TFDP2: variants seen among roughly 807,000 people sequenced by gnomAD.
The protein encoded by TFDP2 is transcription factor Dp-2, also known as transcription factor Dp-2 (E2F dimerization partner 2).
TFDP2 carries 17 observed loss-of-function variants against 59.3 expected under a neutral mutation model. That is an observed-to-expected ratio of 0.29 (90% CI 0.20 to 0.43). TFDP2 has a LOEUF of 0.43. TFDP2 is among the 20% of genes least tolerant of loss of function. TFDP2 has a pLI of 1.00. For missense variants in TFDP2, 391 were observed against 528.8 expected (o/e 0.74, Z 2.56); for synonymous variants, 180 against 194.7 (o/e 0.92, Z 0.63).
rs369060490 is a variant in TFDP2, at chr3:141,952,595, G to A, written c.1259C>T (p.Ser420Phe). 6.3e-6 allele frequency: 10 copies of A among 1,578,198 alleles called. No individual in the cohort carries two copies. Among genetic ancestry groups the A allele is most frequent in the South Asian group, 2.4e-5 (2 of 84,070 alleles). Residue 420 changes from serine to phenylalanine, a missense_variant, in exon 13 of 13, where the codon TCC (serine) becomes TTC (phenylalanine). This residue lies in a region of TFDP2 where 223 missense variants were observed against 292.5 expected (regional missense o/e 0.76). Transcript: ENST00000489671. ...HQSSSAASHC[S>F]ESRGETPCSF... ...ACAGGGGGTCTCGCCTCGGGACTCG[G>A]AGCAGTGAGAGGCCGCACTGCTGGA...
At chr3:142,073,556 G>A (rs933006565) in intron 3 of TFDP2, among the ~76,000 whole-genome samples, 4 of 146,710 alleles carry the variant, frequency 2.7e-5, no homozygotes, top group African/African-American at 1.0e-4. Flanking sequence ...TTGGACAGAG[G>A]AGTGAATGAG....
At chr3:142,062,599 T>C (rs1042727730) in intron 3 of TFDP2, among the ~76,000 whole-genome samples, 5 of 151,548 alleles carry the variant, frequency 3.3e-5, no homozygotes, top group African/African-American at 1.2e-4. Context: ...CATCTGGGAG[T>C]ATCGACTAAA....
chr3:142,110,025 G>A lies in TFDP2; in HGVS notation c.-92-8184C>T, dbSNP rs184701354. Among the ~76,000 whole-genome samples the A allele has an allele frequency of 1.8e-3, 281 of 152,082 alleles. 3 individuals carry two copies. Among genetic ancestry groups the A allele is most frequent in the African/African-American group, 6.4e-3 (264 of 41,506 alleles). On this transcript the variant is annotated intron_variant, in intron 1 of 12. Coordinates refer to ENST00000489671, the MANE Select transcript of TFDP2 (RefSeq NM_001178139.2). ...ACTCAGTCGTTGGGACTACAGGTGC[G>A]GGCGCATGCCACCACACCCAGCTAA...
At chr3:142,109,667 C>T (rs2061588702) in intron 1 of TFDP2, among the ~76,000 whole-genome samples, 1 of 151,848 alleles carries the variant, frequency 6.6e-6, no homozygotes, top group African/African-American at 2.4e-5. Flanking sequence ...CTTTCATGAA[C>T]AAAAAGCATC....
At chr3:142,120,175 A>G (rs6775838) in intron 1 of TFDP2, among the ~76,000 whole-genome samples, 35,220 of 149,160 alleles carry the variant, frequency 0.24, 5,147 homozygotes, top group African/African-American at 0.41. Flanking sequence ...ATCCTGGCCA[A>G]CAGGGTGAAA....
rs1488429992 is a variant in TFDP2 at position 142,069,412 on chromosome 3, A to T, written c.82+23649T>A. Among the ~76,000 whole-genome samples the T allele has an allele frequency of 2.6e-5, 4 of 152,172 alleles. No homozygotes were observed. The South Asian group carries it at 6.2e-4, about 24-fold the overall frequency. ...CTGTAAAGATTAACTTTTATTTCCT[A>T]AATTTGTGAGCTTAGCAATAAAATA... On this transcript the variant is annotated intron_variant, in intron 3 of 12. Coordinates refer to ENST00000489671, the MANE Select transcript of TFDP2 (RefSeq NM_001178139.2).
intron 1 of TFDP2, among the ~76,000 whole-genome samples, chr3:142,107,165 G>A (rs753373761): frequency 1.3e-5 from 2 of 151,832 alleles, no homozygotes; most frequent in Admixed American, 6.6e-5. Flanking sequence ...AATCCTTTCA[G>A]TATTCTCTCT....
chr3:141,954,824 CA>C (rs1230480544), intron 11 of TFDP2, among the ~76,000 whole-genome samples: 2 of 151,932 alleles, frequency 1.3e-5, no homozygotes, highest in Non-Finnish European at 2.9e-5. Flanking sequence ...AATCTTTTTG[CA>C]ATTACTATAC....
intron 3 of TFDP2, among the ~76,000 whole-genome samples, chr3:142,033,374 A>G (rs576000895): frequency 7.2e-4 from 109 of 152,336 alleles, no homozygotes; most frequent in African/African-American, 2.5e-3. Context: ...CTAGAAATCA[A>G]TGGCAAACCA....
At chr3:142,099,864 A>G (rs1442282789) in intron 2 of TFDP2, among the ~76,000 whole-genome samples, 1 of 152,172 alleles carries the variant, frequency 6.6e-6, no homozygotes, top group Non-Finnish European at 1.5e-5. Flanking sequence ...AGTTTATCAC[A>G]ATATCCTATA....
At chr3:141,972,070 T>G (rs913614516) in intron 8 of TFDP2, among the ~76,000 whole-genome samples, 1 of 152,252 alleles carries the variant, frequency 6.6e-6, no homozygotes, top group African/African-American at 2.4e-5. Flanking sequence ...TCCAGTCTAG[T>G]CTATACTAGC....
chr3:142,101,722 T>C lies in TFDP2; in HGVS notation c.15+13A>G. On this transcript the variant is annotated intron_variant, in intron 2 of 12. Coordinates refer to ENST00000489671, the MANE Select transcript of TFDP2 (RefSeq NM_001178139.2). ...TAAACAATACTTACATTAAAAAATT[T>C]ACAAATACTTACATTTTTTGCCGTC... The C allele has an allele frequency of 7.4e-7, 1 of 1,353,682 alleles. No homozygotes were observed. Among genetic ancestry groups the C allele is most frequent in the Non-Finnish European group, 9.8e-7 (1 of 1,016,508 alleles). 83.9% of individuals were successfully genotyped at this position (1,353,682 alleles called of 1,614,324 possible).
Position 142,063,779 on chromosome 3 carries a change from A to AAGAC in TFDP2, c.82+29281_82+29282insGTCT, listed in dbSNP as rs1048046969. 6.0e-4 allele frequency among the ~76,000 whole-genome samples: 92 copies of AAGAC among 152,194 alleles called. 1 individual carries two copies. Among genetic ancestry groups the AAGAC allele is most frequent in the Non-Finnish European group, 1.3e-4 (9 of 68,028 alleles). ...TAAAGCAAAAGATCCACTGTCGAAA[A>AAGAC]GTCTAAGACATGTAAAGCTTGATGA... On this transcript the variant is annotated intron_variant, in intron 3 of 12. Transcript: ENST00000489671.
chr3:142,113,253 TTTTA>T (rs1553808994), intron 1 of TFDP2, among the ~76,000 whole-genome samples: 2 of 152,010 alleles, frequency 1.3e-5, no homozygotes, highest in East Asian at 1.9e-4. Flanking sequence ...GACATTTATT[TTTTA>T]TTTATTTATT....
intron 2 of TFDP2, among the ~76,000 whole-genome samples, chr3:142,100,243 G>T (rs895476105): frequency 6.6e-6 from 1 of 152,248 alleles, no homozygotes; most frequent in Non-Finnish European, 1.5e-5. Context: ...GCCATTTCAT[G>T]CAACAACACT....
At chr3:142,026,734 T>C (rs752651828) in intron 3 of TFDP2, among the ~76,000 whole-genome samples, 2 of 152,256 alleles carry the variant, frequency 1.3e-5, no homozygotes, top group Non-Finnish European at 2.9e-5. Flanking sequence ...TTCCTCATTA[T>C]GAATTCCAAA....
chr3:141,968,433 G>C lies in TFDP2; in HGVS notation c.732+1640C>G, dbSNP rs1156679657. ...ATATAACATATATATCTCATATATA[G>C]ATATATATAACATATATATCTCATA... On this transcript the variant is annotated intron_variant, in intron 9 of 12. Coordinates refer to ENST00000489671, the MANE Select transcript of TFDP2 (RefSeq NM_001178139.2). Among the ~76,000 whole-genome samples, 334 of 63,362 alleles carry C rather than the reference G, an allele frequency of 5.3e-3. 48 individuals are homozygous for C. The highest frequency in any genetic ancestry group is 0.018 in the African/African-American group (290 of 15,700). 41.6% of individuals were successfully genotyped at this position (63,362 alleles called of 152,430 possible).
intron 3 of TFDP2, among the ~76,000 whole-genome samples, chr3:142,060,862 T>C (rs547130525): frequency 6.7e-4 from 102 of 152,316 alleles, no homozygotes; most frequent in African/African-American, 2.3e-3. Context: ...AGTCTAGCAG[T>C]GTTCCTGATG....
intron 3 of TFDP2, among the ~76,000 whole-genome samples, chr3:142,078,099 A>C (rs936680146): frequency 1.3e-5 from 2 of 152,092 alleles, no homozygotes; most frequent in African/African-American, 4.8e-5. Flanking sequence ...TGCCTGTGGA[A>C]AGGGGAGAGA....
Sources: gnomAD v4.1 joint callset for allele counts (sites outside exome capture counted in the v4.1 genomes callset) on GRCh38, gnomAD v4.1.1 for gene constraint, gnomAD v4.1.1 regional missense constraint, MANE v1.5 for transcripts, NCBI Gene and HGNC (gene_info 2026-07-23, HGNC 2026-07-21) for gene names.